SLC25A29: variants seen among roughly 807,000 people sequenced by gnomAD.
SLC25A29 encodes the protein mitochondrial basic amino acids transporter.
In SLC25A29, 13 loss-of-function variants were observed where a neutral mutation model predicts 10.0. The ratio of observed to expected loss-of-function variants is 1.30; its 90% CI spans 0.85 to 2.07. The LOEUF is 2.07. SLC25A29 is among the 30% of genes most tolerant of loss of function. SLC25A29 has a pLI of 0.00. For synonymous variants in SLC25A29, 244 were observed against 221.1 expected, an observed-to-expected ratio of 1.10 and a Z score of -0.92; for missense variants, 475 against 447.6, an observed-to-expected ratio of 1.06 and a Z score of -0.55.
At chr14:100,289,835 CAAAAA>C (rs56694140), downstream of SLC25A29, among the ~76,000 whole-genome samples, 1 of 96,566 alleles carries the variant, frequency 1.0e-5, no homozygotes, top group African/African-American at 4.3e-5. Flanking sequence ...GAGCAAGACT[CAAAAA>C]AAAAAAAAAA....
chr14:100,284,328 C>G, the SLC25A29 span, among the ~76,000 whole-genome samples: 1 of 152,286 alleles, frequency 6.6e-6, no homozygotes, highest in South Asian at 2.1e-4. Flanking sequence ...CCTTTCTGTT[C>G]TGGCGCAGTG....
chr14:100,293,245 T>C, intron 3 of SLC25A29, 49 bp downstream of exon 3: 2 of 1,593,610 alleles, frequency 1.3e-6, no homozygotes, highest in East Asian at 2.2e-5. Context: ...GCCCGGAAGC[T>C]AGTTCCCCAT....
chr14:100,295,868 A>G, intron 2 of SLC25A29: 2 of 1,289,764 alleles, frequency 1.6e-6, no homozygotes, highest in Non-Finnish European at 2.0e-6. Context: ...TGCTGTGTCC[A>G]AGGAAGCAGG....
downstream of SLC25A29, among the ~76,000 whole-genome samples, chr14:100,286,749 G>A (rs951305101): frequency 6.6e-6 from 1 of 152,354 alleles, no homozygotes; most frequent in East Asian, 1.9e-4. Context: ...GGGTGTGTAA[G>A]AAGCAGCAAG....
chr14:100,304,607 A>T lies in SLC25A29; in HGVS notation c.34+1592T>A, dbSNP rs147300966. On this transcript the variant is annotated intron_variant, in intron 1 of 3. Transcript: ENST00000359232. ...GCCTGTGCCCCAGTGCTACAGCACC[A>T]GACAGTGCCAGTCCTTGACCCACAA... Among the ~76,000 whole-genome samples the T allele has an allele frequency of 6.2e-3, 946 of 151,928 alleles. 12 individuals carry two copies. Among genetic ancestry groups the T allele is most frequent in the African/African-American group, 0.022 (903 of 41,514 alleles).
chr14:100,296,757 C>T lies in SLC25A29; in HGVS notation c.78+2085G>A, dbSNP rs375480103. Among the ~76,000 whole-genome samples, 91 of 152,296 alleles carry T rather than the reference C, an allele frequency of 6.0e-4. 2 individuals are homozygous for T. The highest frequency in any genetic ancestry group is 2.2e-3 in the African/African-American group (90 of 41,566). ...GGGACTACAGGCACCCGCCACCACGCCCGGCTAATTTTTTGTATGTTTAGT... is the reference window on the plus strand; with the variant it reads ...GGGACTACAGGCACCCGCCACCACGTCCGGCTAATTTTTTGTATGTTTAGT... On this transcript the variant is annotated intron_variant, in intron 2 of 3. Transcript: ENST00000359232.
intron 1 of SLC25A29, chr14:100,305,177 TCC>T (rs1566813038): frequency 7.1e-6 from 1 of 141,498 alleles, no homozygotes; most frequent in African/African-American, 2.6e-5. Context: ...AACGAGTCTC[TCC>T]CCCAAGAAGC....
At chr14:100,293,527 G>A in intron 2 of SLC25A29, 150 bp from the exon 3 acceptor site, 1 of 642,256 alleles carries the variant, frequency 1.6e-6, no homozygotes, top group Non-Finnish European at 2.7e-6. Flanking sequence ...GGCAGGGTGG[G>A]CCGGGTATCT....
chr14:100,285,519 C>T, the SLC25A29 span, among the ~76,000 whole-genome samples: 1 of 151,746 alleles, frequency 6.6e-6, no homozygotes, highest in Non-Finnish European at 1.5e-5. Flanking sequence ...CGCGGGGACC[C>T]GAGGCGCGGT....
At chr14:100,305,350 CAG>C (rs1421736496) in intron 1 of SLC25A29, 1 of 152,174 alleles carries the variant, frequency 6.6e-6, no homozygotes, top group African/African-American at 2.4e-5. Flanking sequence ...TGGGACCAAA[CAG>C]GGATAAGCGG....
chr14:100,306,322 C>T lies in SLC25A29; in HGVS notation c.-90G>A, dbSNP rs887927362. On this transcript the variant is annotated 5_prime_UTR_variant, in exon 1 of 4. Coordinates refer to ENST00000359232, the MANE Select transcript of SLC25A29 (RefSeq NM_001039355.3). ...GGCGCCGTCGGGGTCCCCGAGCGCG[C>T]GGTGCCGGGGCTGGGCCTGGCCGCT... The T allele has an allele frequency of 5.6e-4, 706 of 1,252,230 alleles. 1 individual carries two copies. The highest frequency in any genetic ancestry group is 6.8e-4 in the Non-Finnish European group (674 of 989,888). 77.6% of individuals were successfully genotyped at this position (1,252,230 alleles called of 1,614,324 possible). A position where few individuals can be genotyped will look rare whatever the true frequency, so the allele number is the denominator to read the frequency against.
chr14:100,296,156 G>T, intron 2 of SLC25A29: 1 of 654,220 alleles, frequency 1.5e-6, no homozygotes, highest in Non-Finnish European at 2.2e-6. Flanking sequence ...GAGGACAGTG[G>T]GCCAGGCCTG....
At chr14:100,302,429 G>A (rs1488074131) in intron 1 of SLC25A29, among the ~76,000 whole-genome samples, 3 of 149,506 alleles carry the variant, frequency 2.0e-5, no homozygotes, top group African/African-American at 4.9e-5. Flanking sequence ...GCGCGATCTC[G>A]GCTCACTGCA....
At chr14:100,284,608 C>T in the SLC25A29 span, among the ~76,000 whole-genome samples, 1 of 152,202 alleles carries the variant, frequency 6.6e-6, no homozygotes, top group South Asian at 2.1e-4. Flanking sequence ...GTTTTCGTTT[C>T]CAAAGCTTAC....
chr14:100,281,024 C>G, the SLC25A29 span: 6 of 131,962 alleles, frequency 4.5e-5, no homozygotes, highest in African/African-American at 1.7e-4. Context: ...CGCACCACTG[C>G]ACTCCAGCCT....
the SLC25A29 span, chr14:100,281,400 C>CT: frequency 2.0e-5 from 3 of 152,130 alleles, no homozygotes; most frequent in Admixed American, 2.0e-4. Flanking sequence ...GAAGCCAGCT[C>CT]TGAGTCACAG....
chr14:100,284,063 A>G, the SLC25A29 span, among the ~76,000 whole-genome samples: 1 of 152,026 alleles, frequency 6.6e-6, no homozygotes, highest in Non-Finnish European at 1.5e-5. Flanking sequence ...TGTTGAGAAC[A>G]CATATGTACC....
chr14:100,294,916 C>T (rs981992453), intron 2 of SLC25A29: 2 of 152,216 alleles, frequency 1.3e-5, no homozygotes, highest in Non-Finnish European at 2.9e-5. Context: ...TTGGCCAACA[C>T]CTTGATGCGA....
At chr14:100,303,153 T>C (rs1892674212) in intron 1 of SLC25A29, among the ~76,000 whole-genome samples, 1 of 152,234 alleles carries the variant, frequency 6.6e-6, no homozygotes, top group Non-Finnish European at 1.5e-5. Flanking sequence ...CATCCTCTTT[T>C]CCACTTCAGC....
Sources: gnomAD v4.1 joint callset for allele counts (sites outside exome capture counted in the v4.1 genomes callset) on GRCh38, gnomAD v4.1.1 for gene constraint, MANE v1.5 for transcripts, NCBI Gene and HGNC (gene_info 2026-07-23, HGNC 2026-07-21) for gene names.